The following BET1 variants were observed in gnomAD, a reference collection of about 807,000 sequenced individuals.
BET1 encodes BET1 homolog.
In BET1, 9 loss-of-function variants were observed where a neutral mutation model predicts 13.9. The observed-to-expected ratio is 0.65, with a 90% confidence interval of 0.39 to 1.13. BET1 has a LOEUF of 1.13. BET1 is among the 50% of genes most tolerant of loss of function. The pLI, the probability that BET1 is intolerant of heterozygous loss-of-function variation, is 0.01. For synonymous variants in BET1, 39 were observed against 47.3 expected, an observed-to-expected ratio of 0.82 and a Z score of 0.72; for missense variants, 127 against 133.6, an observed-to-expected ratio of 0.95 and a Z score of 0.24.
intron 6 of BET1, among the ~76,000 whole-genome samples, chr7:93,970,216 T>A (rs1795238740): frequency 6.6e-6 from 1 of 151,772 alleles, no homozygotes; most frequent in African/African-American, 2.4e-5. Flanking sequence ...AGACCTTTGT[T>A]TAATAGAGGG....
chr7:93,975,863 A>C (rs1048083156), intron 5 of BET1: 20 of 987,362 alleles, frequency 2.0e-5, no homozygotes, highest in Non-Finnish European at 2.3e-5. Context: ...TTAATTTTCA[A>C]AATATTATGA....
At position 93,983,572 on chromosome 7, in the gene BET1, T is replaced by G. The variant is rs76872843; in HGVS notation, c.236-7472A>C. 5.6e-4 allele frequency among the ~76,000 whole-genome samples: 85 copies of G among 152,278 alleles called. 1 individual carries two copies. The highest frequency in any genetic ancestry group is 1.9e-3 in the African/African-American group (81 of 41,574). ...ACCAAATTAAGATGAGCCATGACTC[T>G]GTACAAAATTGTAGTGGGAAAAAAA... is the stretch of plus-strand genomic sequence containing the variant. On this transcript the variant is annotated intron_variant and NMD_transcript_variant, in intron 4 of 6. Transcript: ENST00000357520.
chr7:93,978,857 G>A (rs1380127222), intron 4 of BET1, among the ~76,000 whole-genome samples: 2 of 152,112 alleles, frequency 1.3e-5, no homozygotes, highest in African/African-American at 4.8e-5. Context: ...AATAGATAAG[G>A]ACAAATGAAG....
rs571633182 is a variant in BET1 at position 93,966,821 on chromosome 7, T to C, written c.*138-1134A>G. On this transcript the variant is annotated intron_variant and NMD_transcript_variant, in intron 6 of 6. Transcript: ENST00000357520. ...GCATCCTTGGACCACTGAATCAACCTTCCCTGGGACTTCTCTACCTCTGGG... is the reference window on the plus strand; with the variant it reads ...GCATCCTTGGACCACTGAATCAACCCTCCCTGGGACTTCTCTACCTCTGGG... 2.0e-5 allele frequency among the ~76,000 whole-genome samples: 3 copies of C among 151,952 alleles called. No individual in the cohort carries two copies. The South Asian group carries it at 6.2e-4, about 31-fold the overall frequency.
intron 4 of BET1, among the ~76,000 whole-genome samples, chr7:93,981,425 C>G (rs545920659): frequency 6.6e-6 from 1 of 152,236 alleles, no homozygotes; most frequent in African/African-American, 2.4e-5. Context: ...CATGTTCTCC[C>G]AAGTAAAATC....
intron 6 of BET1, among the ~76,000 whole-genome samples, chr7:93,970,005 T>C (rs1795233663): frequency 6.6e-6 from 1 of 151,840 alleles, no homozygotes; most frequent in African/African-American, 2.4e-5. Flanking sequence ...TTTTTTGGTC[T>C]TCACAGAGAG....
chr7:93,991,301 T>A (rs114001586), downstream of BET1, among the ~76,000 whole-genome samples: 221 of 152,366 alleles, frequency 1.5e-3, no homozygotes, highest in African/African-American at 5.1e-3. Flanking sequence ...AAAGGTATCA[T>A]TCTCAAGTTA....
intron 4 of BET1, among the ~76,000 whole-genome samples, chr7:93,978,109 T>C (rs1474235070): frequency 6.6e-6 from 1 of 152,096 alleles, no homozygotes; most frequent in Non-Finnish European, 1.5e-5. Context: ...TGTCACTCTG[T>C]TGCCCAGGTT....
At chr7:93,991,162 C>T (rs1299630856), downstream of BET1, among the ~76,000 whole-genome samples, 1 of 152,092 alleles carries the variant, frequency 6.6e-6, no homozygotes, top group Non-Finnish European at 1.5e-5. Context: ...ATAAATGATT[C>T]TTGCACAGGA....
In BET1 at chr7:93,994,369, G is replaced by A; in HGVS notation, c.218C>T (p.Ser73Phe). 6.2e-7 allele frequency: 1 copy of A among 1,612,408 alleles called. No homozygotes were observed. The highest frequency in any genetic ancestry group is 8.5e-7 in the Non-Finnish European group (1 of 1,179,372). The change falls in exon 4 of 4, where the codon TCC becomes TTC. Residue 73 changes from serine to phenylalanine, a missense_variant. By Grantham distance (155) the Ser-to-Phe change is radical (BLOSUM62 -2). Coordinates refer to ENST00000222547, the MANE Select transcript of BET1 (RefSeq NM_005868.6). Reference sequence around the variant, plus strand: ...AGTTTTACCTAGAAATCCAGTTGTGGAATCAAATTGTGAATCCTATCAGAG... The same window carrying A: ...AGTTTTACCTAGAAATCCAGTTGTGAAATCAAATTGTGAATCCTATCAGAG... ...LLAEMDSQFD[S>F]TTGFLGKTMG...
intron 5 of BET1, among the ~76,000 whole-genome samples, chr7:93,975,070 G>C (rs987411980): frequency 6.6e-6 from 1 of 151,946 alleles, no homozygotes; most frequent in East Asian, 1.9e-4. Flanking sequence ...CAAAATAGCT[G>C]ACCAGGACTC....
chr7:93,971,783 A>C (rs910770881), intron 6 of BET1, among the ~76,000 whole-genome samples: 3 of 151,818 alleles, frequency 2.0e-5, no homozygotes, highest in Non-Finnish European at 4.4e-5. Context: ...TGTATTAATG[A>C]TATGGATTCA....
chr7:93,992,567 TTGAA>T (rs1383948593), downstream of BET1: 2 of 985,306 alleles, frequency 2.0e-6, no homozygotes, highest in Non-Finnish European at 2.4e-6. Context: ...TAAAAACTTC[TTGAA>T]TGAATGAGTC....
chr7:93,986,806 A>T (rs1423751328), intron 4 of BET1, among the ~76,000 whole-genome samples: 1 of 152,194 alleles, frequency 6.6e-6, no homozygotes, highest in Non-Finnish European at 1.5e-5. Context: ...TAATCTAGTG[A>T]TGTAGCTATT....
At chr7:93,992,560 A>G, downstream of BET1, 6 of 985,378 alleles carry the variant, frequency 6.1e-6, no homozygotes, top group Non-Finnish European at 7.2e-6. Context: ...GTACAGTTAA[A>G]AACTTCTTGA....
intron 4 of BET1, among the ~76,000 whole-genome samples, chr7:93,977,631 G>A (rs1049300349): frequency 1.3e-5 from 2 of 151,998 alleles, no homozygotes; most frequent in African/African-American, 4.8e-5. Flanking sequence ...TCTCTCTCTA[G>A]CTCTTATTCT....
chr7:93,983,569 C>T (rs1053500975), intron 4 of BET1, among the ~76,000 whole-genome samples: 4 of 152,040 alleles, frequency 2.6e-5, no homozygotes, highest in African/African-American at 7.2e-5. Flanking sequence ...TGAGCCATGA[C>T]TCTGTACAAA....
At chr7:93,992,843 G>T (rs1407044547), downstream of BET1, 4 of 955,014 alleles carry the variant, frequency 4.2e-6, no homozygotes, top group Admixed American at 1.2e-4. Context: ...AAGGAATAGA[G>T]ATATGAACCC....
intron 1 of BET1, 107 bp from the exon 2 acceptor site, chr7:93,999,401 A>G: frequency 7.5e-7 from 1 of 1,341,050 alleles, no homozygotes; most frequent in Non-Finnish European, 1.0e-6. Context: ...CAAACCACAT[A>G]TGTCTCTAAT....
Sources: allele counts gnomAD v4.1 joint callset (sites outside exome capture counted in the v4.1 genomes callset), GRCh38; gene constraint gnomAD v4.1.1; transcripts MANE v1.5; gene names NCBI Gene and HGNC (gene_info 2026-07-23, HGNC 2026-07-21).